The following PBRM1 variants were observed in gnomAD, a reference collection of about 807,000 sequenced individuals.
The protein encoded by PBRM1 is protein polybromo-1.
Under a neutral mutation model 194.5 loss-of-function variants are expected in PBRM1, and 27 were observed. The ratio of observed to expected loss-of-function variants is 0.14; its 90% CI spans 0.10 to 0.19. The LOEUF (loss-of-function observed/expected upper bound fraction) is 0.19, where lower values mean the gene tolerates loss of function less well. Among genes scored for constraint, PBRM1 ranks in the 10% least tolerant of loss-of-function variants. The pLI is 1.00. For missense variants in PBRM1, 1,466 were observed against 2,077.2 expected (o/e 0.71, Z 5.72); for synonymous variants, 655 against 693.2 (o/e 0.94, Z 0.87).
At chr3:52,586,306 G>T in intron 20 of PBRM1, 119 bp downstream of exon 22, 1 of 816,366 alleles carries the variant, frequency 1.2e-6, no homozygotes, top group Non-Finnish European at 1.9e-6. Context: ...CCTTCTTCCT[G>T]TTTGGCTAAG....
chr3:52,614,179 G>A (rs1222727861), intron 15 of PBRM1, among the ~76,000 whole-genome samples: 1 of 151,962 alleles, frequency 6.6e-6, no homozygotes, highest in Non-Finnish European at 1.5e-5. Flanking sequence ...TTTGACAGCA[G>A]CCTGGCCAAC....
intron 7 of PBRM1, among the ~76,000 whole-genome samples, chr3:52,647,956 G>A (rs533609818): frequency 4.7e-5 from 7 of 150,160 alleles, no homozygotes; most frequent in African/African-American, 1.7e-4. Flanking sequence ...TTGCACTGTC[G>A]CCCGGGCTGG....
At position 52,609,999 on chromosome 3, in the gene PBRM1, C is replaced by T. The variant is rs774429672; in HGVS notation, c.1925-44G>A. ...TGTTAAATGAATAAAATAAATGAAC[C>T]TAAATTTGTATACAGATGGTAGCAT... On this transcript the variant is annotated intron_variant, in intron 15 of 29. Transcript: ENST00000296302. This position sits in a 1 kb window ranked among gnomAD's most constrained non-coding sequence, Gnocchi z 4.1. 2 of 1,243,746 alleles carry T rather than the reference C, an allele frequency of 1.6e-6. No homozygotes were observed. Among genetic ancestry groups the T allele is most frequent in the African/African-American group, 3.0e-5 (2 of 66,386 alleles). The allele number at this position is 1,243,746 out of a possible 1,614,324, so 77.0% of individuals were successfully genotyped here.
In PBRM1 at chr3:52,609,798, A is replaced by G. The variant is rs1332204171; in HGVS notation, c.2082T>C (p.Pro694=). 1 of 1,613,000 alleles carries G rather than the reference A, an allele frequency of 6.2e-7. No individual in the cohort carries two copies. The highest frequency in any genetic ancestry group is 8.5e-7 in the Non-Finnish European group (1 of 1,179,678). Residue 694 remains proline (P), a synonymous_variant, in exon 16 of 30, where the codon CCT becomes CCC. Coordinates refer to ENST00000296302, the Ensembl canonical transcript of PBRM1. The surrounding 1 kb of genome is among the most constrained non-coding windows in gnomAD (Gnocchi z 4.1). ...GCTTTTTAATAGTCAGATAGTAGTC[A>G]GGCAACTCAGATCTAGAGGGAAGCC...
exon 5 of PBRM1, chr3:52,658,309 G>C: frequency 6.4e-7 from 1 of 1,564,946 alleles, no homozygotes; most frequent in Non-Finnish European, 8.8e-7. Flanking sequence ...AAGTAAGCTG[G>C]AGAAGACTGG....
chr3:52,632,248 T>A (rs1347367509), intron 11 of PBRM1, among the ~76,000 whole-genome samples: 3 of 152,174 alleles, frequency 2.0e-5, no homozygotes, highest in African/African-American at 4.8e-5. Flanking sequence ...AGTCCAAAAA[T>A]ATACTCCATG....
intron 19 of PBRM1, 139 bp downstream of exon 21, chr3:52,587,214 T>G (rs1408728618): frequency 1.7e-5 from 11 of 638,768 alleles, no homozygotes; most frequent in Non-Finnish European, 2.9e-5. Flanking sequence ...CCCAAATCTT[T>G]TCATATAGCT....
At chr3:52,662,408 A>G in intron 3 of PBRM1, 132 bp from the exon 5 acceptor site, 2 of 677,484 alleles carry the variant, frequency 3.0e-6, no homozygotes, top group Admixed American at 3.0e-5. Context: ...ATTAAAACAT[A>G]TATGGGTCCA....
At chr3:52,570,837 G>C (rs1341713289) in intron 22 of PBRM1, among the ~76,000 whole-genome samples, 1 of 150,318 alleles carries the variant, frequency 6.7e-6, no homozygotes, top group Non-Finnish European at 1.5e-5. Context: ...AGTTGTGTGT[G>C]TGTGCGCACA....
At chr3:52,545,629 C>T (rs1470711768), downstream of PBRM1, 1 of 232,848 alleles carries the variant, frequency 4.3e-6, no homozygotes, top group Admixed American at 5.6e-5. Flanking sequence ...AAAACAACAA[C>T]CAAAACAGTT....
At chr3:52,662,754 A>T (rs2096750633) in intron 3 of PBRM1, among the ~76,000 whole-genome samples, 1 of 151,000 alleles carries the variant, frequency 6.6e-6, no homozygotes, top group Non-Finnish European at 1.5e-5. Flanking sequence ...TGAACCAGAG[A>T]GGCAGAGGTT....
At chr3:52,658,412 C>CT (rs200866604) in intron 4 of PBRM1, 97 bp from the exon 6 acceptor site, 44,554 of 441,038 alleles carry the variant, frequency 0.1, 7 homozygotes, top group South Asian at 0.13. Context: ...AAAACAGCAA[C>CT]TTTTTTTTTT....
At chr3:52,580,381 CAT>C (rs1342636363) in intron 20 of PBRM1, among the ~76,000 whole-genome samples, 2 of 152,002 alleles carry the variant, frequency 1.3e-5, no homozygotes, top group African/African-American at 4.8e-5. Flanking sequence ...TTTTTTGAGA[CAT>C]AGTCTCCCTC....
At chr3:52,602,282 G>GA (rs1443760808) in intron 17 of PBRM1, among the ~76,000 whole-genome samples, 2 of 152,048 alleles carry the variant, frequency 1.3e-5, no homozygotes, top group South Asian at 2.1e-4. Flanking sequence ...GGTCTGCAAG[G>GA]AAACCTGACA....
chr3:52,652,380 G>A (rs1479494040), intron 5 of PBRM1, among the ~76,000 whole-genome samples: 5 of 126,130 alleles, frequency 4.0e-5, no homozygotes, highest in South Asian at 2.6e-4. Flanking sequence ...AAGAGACTTC[G>A]TCTCAAAAAA....
chr3:52,570,970 A>G (rs2086917423), intron 22 of PBRM1, among the ~76,000 whole-genome samples: 1 of 149,504 alleles, frequency 6.7e-6, no homozygotes, highest in Non-Finnish European at 1.5e-5. Context: ...CGACTCTCCC[A>G]TCTTGGCCTC....
intron 3 of PBRM1, among the ~76,000 whole-genome samples, chr3:52,666,021 G>C (rs888789561): frequency 1.3e-5 from 2 of 152,106 alleles, no homozygotes; most frequent in Non-Finnish European, 2.9e-5. Context: ...ATTATCTATA[G>C]ATGTTACAAT....
chr3:52,632,461 G>A (rs1457348089), intron 11 of PBRM1, among the ~76,000 whole-genome samples: 3 of 152,042 alleles, frequency 2.0e-5, no homozygotes, highest in Non-Finnish European at 2.9e-5. Context: ...ATGTGTCTGT[G>A]GTCCCAGCTA....
At chr3:52,650,488 CTTAGAGT>C (rs931934793) in intron 6 of PBRM1, among the ~76,000 whole-genome samples, 5 of 151,206 alleles carry the variant, frequency 3.3e-5, no homozygotes, top group African/African-American at 9.7e-5. Flanking sequence ...TTACTACTCT[CTTAGAGT>C]TTAAAGTCAA....
Sources: allele counts gnomAD v4.1 joint callset (sites outside exome capture counted in the v4.1 genomes callset), GRCh38; gene constraint gnomAD v4.1.1; non-coding constraint Gnocchi (gnomAD v3.1); transcripts MANE v1.5; gene names NCBI Gene and HGNC (gene_info 2026-07-23, HGNC 2026-07-21).